Variants in BCKDHA observed in about 807,000 individuals in gnomAD.
BCKDHA encodes branched chain keto acid dehydrogenase E1 subunit alpha, also known as 2-oxoisovalerate dehydrogenase subunit alpha, mitochondrial.
In BCKDHA, 43 loss-of-function variants were observed where a neutral mutation model predicts 52.2. The observed-to-expected ratio is 0.82, with a 90% CI of 0.64 to 1.06. The LOEUF (loss-of-function observed/expected upper bound fraction) is 1.06. Among genes scored for constraint, BCKDHA ranks in the 50% least tolerant of loss-of-function variants. BCKDHA has a pLI of 0.00. For synonymous variants in BCKDHA, 234 were observed against 247.9 expected, an observed-to-expected ratio of 0.94 and a Z score of 0.53; for missense variants, 527 against 621.3, an observed-to-expected ratio of 0.85 and a Z score of 1.61.
chr19:41,416,729 G>A (rs2039311792), intron 4 of BCKDHA, among the ~76,000 whole-genome samples: 1 of 152,084 alleles, frequency 6.6e-6, no homozygotes, highest in South Asian at 2.1e-4. Context: ...ATACCAGCCT[G>A]GGCAACATGG....
rs990776009 is a variant in BCKDHA at position 41,411,114 on chromosome 19, G to T, written c.375+105G>T. 236 of 1,297,122 alleles carry T rather than the reference G, an allele frequency of 1.8e-4. 3 individuals are homozygous for T. The highest frequency in any genetic ancestry group is 1.1e-3 in the South Asian group (94 of 83,230). 80.4% of individuals were successfully genotyped at this position (1,297,122 alleles called of 1,614,324 possible). Reference sequence around the variant, plus strand: ...CCCAAGGAGGACAGATTCTTTTTTGGGGGGGTTCCATAGAGTTCTGAGGGT... The same window carrying T: ...CCCAAGGAGGACAGATTCTTTTTTGTGGGGGTTCCATAGAGTTCTGAGGGT... On this transcript the variant is annotated intron_variant, in intron 3 of 8. Coordinates refer to ENST00000269980, the MANE Select transcript of BCKDHA (RefSeq NM_000709.4).
chr19:41,411,485 T>C (rs183629222), intron 3 of BCKDHA, among the ~76,000 whole-genome samples: 6 of 139,802 alleles, frequency 4.3e-5, no homozygotes, highest in Admixed American at 2.8e-4. Context: ...CAGAGGGTCC[T>C]GTTTTGGGGC....
chr19:41,407,950 A>ATTTTT (rs144717663), intron 1 of BCKDHA, among the ~76,000 whole-genome samples: 1 of 124,478 alleles, frequency 8.0e-6, no homozygotes, highest in Non-Finnish European at 1.7e-5. Context: ...TTCTGATGTA[A>ATTTTT]TTTTTTTTTT....
At chr19:41,404,105 G>A (rs888690521) in intron 1 of BCKDHA, among the ~76,000 whole-genome samples, 12 of 151,684 alleles carry the variant, frequency 7.9e-5, no homozygotes, top group Non-Finnish European at 1.8e-4. Flanking sequence ...TCAGTCTCCC[G>A]AGTAGCTGGG....
At chr19:41,405,212 A>C (rs542926835) in intron 1 of BCKDHA, among the ~76,000 whole-genome samples, 3 of 152,326 alleles carry the variant, frequency 2.0e-5, no homozygotes, top group African/African-American at 7.2e-5. Context: ...TCCTCATGAC[A>C]ACCCCTGAGA....
chr19:41,404,281 A>C (rs1390057766), intron 1 of BCKDHA, among the ~76,000 whole-genome samples: 1 of 151,240 alleles, frequency 6.6e-6, no homozygotes, highest in Non-Finnish European at 1.5e-5. Context: ...TGCCCGGCCA[A>C]AATTTTATTT....
chr19:41,423,602 C>T (rs1468665340), intron 8 of BCKDHA, among the ~76,000 whole-genome samples: 8 of 152,102 alleles, frequency 5.3e-5, no homozygotes, highest in East Asian at 1.9e-4. Context: ...GAGGCCAAGG[C>T]GGACAGATCA....
rs549125917 is a variant in BCKDHA, at chr19:41,407,508, G to T, written c.109-3129G>T. On this transcript the variant is annotated intron_variant, in intron 1 of 8. Transcript: ENST00000269980. ...ATCTTCTAGGTCAGTGTCTGGCTATGCTGGGTACTCAGAAGGGGGAAGCAC... is the reference window on the plus strand; with the variant it reads ...ATCTTCTAGGTCAGTGTCTGGCTATTCTGGGTACTCAGAAGGGGGAAGCAC... 5.3e-5 allele frequency among the ~76,000 whole-genome samples: 8 copies of T among 152,274 alleles called. No homozygotes were observed. The South Asian group carries it at 1.0e-3, about 20-fold the overall frequency.
chr19:41,423,682 A>C (rs2039395393), intron 8 of BCKDHA, among the ~76,000 whole-genome samples: 1 of 151,954 alleles, frequency 6.6e-6, no homozygotes. Context: ...AAATACAAAA[A>C]TTAGCCGGGC....
chr19:41,404,293 TTTA>T lies in BCKDHA; in HGVS notation c.109-6341_109-6339del, dbSNP rs1004249255. On this transcript the variant is annotated intron_variant, in intron 1 of 8. Transcript: ENST00000269980. Reference sequence around the variant, plus strand: ...CTGTGCCCGGCCAAAATTTTATTTATTTATTTATTTTTTTGAGATGTAGTCTTG... The same window carrying T: ...CTGTGCCCGGCCAAAATTTTATTTATTTTATTTTTTTGAGATGTAGTCTTG... 1.2e-4 allele frequency among the ~76,000 whole-genome samples: 19 copies of T among 152,050 alleles called. 1 individual carries two copies. The highest frequency in any genetic ancestry group is 4.1e-4 in the African/African-American group (17 of 41,474).
chr19:41,410,011 C>T (rs371914366), intron 1 of BCKDHA, among the ~76,000 whole-genome samples: 1 of 152,114 alleles, frequency 6.6e-6, no homozygotes. Flanking sequence ...ATGTTGGCCA[C>T]ATTGATCTCG....
intron 3 of BCKDHA, 89 bp downstream of exon 3, chr19:41,411,098 G>C (rs1469675195): frequency 2.8e-6 from 4 of 1,423,516 alleles, no homozygotes; most frequent in Non-Finnish European, 3.9e-6. Context: ...TCCCAAGGAG[G>C]ACAGATTCTT....
chr19:41,402,766 G>A (rs750737244), intron 1 of BCKDHA, among the ~76,000 whole-genome samples: 1 of 152,024 alleles, frequency 6.6e-6, no homozygotes, highest in Non-Finnish European at 1.5e-5. Context: ...TCCCCCTCTC[G>A]AGTAGCTGGG....
At chr19:41,413,587 T>C (rs1186756765) in intron 3 of BCKDHA, among the ~76,000 whole-genome samples, 1 of 152,170 alleles carries the variant, frequency 6.6e-6, no homozygotes, top group Non-Finnish European at 1.5e-5. Context: ...TCTGACCACA[T>C]TGCTCCCTTG....
chr19:41,413,769 C>T (rs917330721), intron 3 of BCKDHA, among the ~76,000 whole-genome samples: 1 of 152,208 alleles, frequency 6.6e-6, no homozygotes, highest in African/African-American at 2.4e-5. Context: ...AACCCTCCAC[C>T]CACCCCATCT....
chr19:41,407,182 C>T (rs969273115), intron 1 of BCKDHA, among the ~76,000 whole-genome samples: 6 of 152,282 alleles, frequency 3.9e-5, no homozygotes, highest in East Asian at 3.9e-4. Context: ...GTATGTAATA[C>T]GTCCCAGATC....
Position 41,414,173 on chromosome 19 carries a change from G to A in BCKDHA, c.484+16G>A. The A allele has an allele frequency of 1.9e-6, 3 of 1,609,404 alleles. No homozygotes were observed. Among genetic ancestry groups the A allele is most frequent in the Non-Finnish European group, 2.6e-6 (3 of 1,176,412 alleles). ...CGGGAGGCAGGTACGTCTGTCCGTG[G>A]TTTGGCCCTGTGGTCCCCATTGAAG... On this transcript the variant is annotated intron_variant, in intron 4 of 8. Transcript: ENST00000269980.
chr19:41,421,976 C>G (rs1362110431), intron 5 of BCKDHA, among the ~76,000 whole-genome samples, 188 bp from the exon 6 acceptor site: 2 of 152,090 alleles, frequency 1.3e-5, no homozygotes, highest in Admixed American at 1.3e-4. Context: ...GAGTTGCTTT[C>G]AGCTGAGCAA....
intron 5 of BCKDHA, among the ~76,000 whole-genome samples, chr19:41,420,590 C>CA (rs11300069): frequency 5.2e-4 from 74 of 142,044 alleles, no homozygotes; most frequent in Admixed American, 8.6e-4. Flanking sequence ...GATCCTGTCT[C>CA]AAAAAAAAAA....
Sources: allele counts gnomAD v4.1 joint callset (sites outside exome capture counted in the v4.1 genomes callset), GRCh38; gene constraint gnomAD v4.1.1; transcripts MANE v1.5; gene names NCBI Gene and HGNC (gene_info 2026-07-23, HGNC 2026-07-21).